PAPPA2: variants seen among roughly 807,000 people sequenced by gnomAD.
PAPPA2 encodes pappalysin 2, also known as pappalysin-2.
PAPPA2 carries 86 observed loss-of-function variants against 176.4 expected under a neutral mutation model. The observed-to-expected ratio is 0.49, with a 90% CI of 0.41 to 0.58. The LOEUF is 0.58. Among genes scored for constraint, PAPPA2 ranks in the 20% least tolerant of loss-of-function variants. PAPPA2 has a pLI of 0.00. For missense variants in PAPPA2, 2,073 were observed against 2,256.9 expected, an observed-to-expected ratio of 0.92 and a Z score of 1.65; for synonymous variants, 809 against 852.2, an observed-to-expected ratio of 0.95 and a Z score of 0.88.
chr1:176,674,595 TC>T (rs1659184374), intron 4 of PAPPA2, among the ~76,000 whole-genome samples: 1 of 152,026 alleles, frequency 6.6e-6, no homozygotes, highest in South Asian at 2.1e-4. Context: ...ATTATTTTAT[TC>T]CTTTTTATGG....
At chr1:176,520,701 A>T (rs1033857071) in intron 1 of PAPPA2, among the ~76,000 whole-genome samples, 8 of 152,210 alleles carry the variant, frequency 5.3e-5, no homozygotes, top group African/African-American at 1.9e-4. Context: ...GAGTGACTGA[A>T]AAGCAAGGGA....
intron 8 of PAPPA2, 71 bp from the exon 9 acceptor site, chr1:176,702,536 C>A: frequency 6.3e-7 from 1 of 1,582,078 alleles, no homozygotes; most frequent in Non-Finnish European, 8.6e-7. Flanking sequence ...CTTCTGTGAA[C>A]CATCAACAAA....
Position 176,556,126 on chromosome 1 carries a change from C to A in PAPPA2, c.-197C>A, listed in dbSNP as rs563007785. 3.2e-6 allele frequency: 2 copies of A among 633,348 alleles called. No individual in the cohort carries two copies. The highest frequency in any genetic ancestry group is 1.8e-5 in the African/African-American group (1 of 54,666). The allele number at this position is 633,348 out of a possible 1,614,324, so 39.2% of individuals were successfully genotyped here. ...CACATGCCCTGGGGAGGCATAGAAGCCACACTGGCAGAGCGGCCAGCACAG... is the reference window on the plus strand; with the variant it reads ...CACATGCCCTGGGGAGGCATAGAAGACACACTGGCAGAGCGGCCAGCACAG... On this transcript the variant is annotated 5_prime_UTR_variant, in exon 2 of 23. Coordinates refer to ENST00000367662, the MANE Select transcript of PAPPA2 (RefSeq NM_020318.3).
At chr1:176,485,461 C>T (rs2102485718) in intron 1 of PAPPA2, among the ~76,000 whole-genome samples, 1 of 152,332 alleles carries the variant, frequency 6.6e-6, no homozygotes, top group East Asian at 1.9e-4. Context: ...CACTCTCCCA[C>T]TCTTTCAATT....
chr1:176,503,193 C>A (rs1648066386), intron 1 of PAPPA2, among the ~76,000 whole-genome samples: 1 of 152,042 alleles, frequency 6.6e-6, no homozygotes, highest in African/African-American at 2.4e-5. Flanking sequence ...GGCTTGTGAA[C>A]CTCATCCATC....
At chr1:176,668,424 T>C (rs1658789762) in intron 3 of PAPPA2, among the ~76,000 whole-genome samples, 2 of 152,214 alleles carry the variant, frequency 1.3e-5, no homozygotes, top group African/African-American at 4.8e-5. Context: ...CCTTGAATAT[T>C]AAGCTAATTT....
At chr1:176,555,106 A>G (rs1052831177) in intron 1 of PAPPA2, among the ~76,000 whole-genome samples, 1 of 151,966 alleles carries the variant, frequency 6.6e-6, no homozygotes, top group Non-Finnish European at 1.5e-5. Context: ...GCTGAAAGAG[A>G]AAGCCCGAGA....
chr1:176,737,720 T>C (rs1215830679), intron 12 of PAPPA2, among the ~76,000 whole-genome samples: 1 of 152,040 alleles, frequency 6.6e-6, no homozygotes, highest in African/African-American at 2.4e-5. Context: ...ACAGGCAAAG[T>C]GATTTGATAT....
chr1:176,653,569 G>T (rs1038858600), intron 3 of PAPPA2, among the ~76,000 whole-genome samples: 14 of 151,424 alleles, frequency 9.2e-5, no homozygotes, highest in Admixed American at 3.3e-4. Flanking sequence ...TCTTTATTGG[G>T]TTCTTCCTTT....
At chr1:176,644,229 G>C (rs868748849) in intron 3 of PAPPA2, among the ~76,000 whole-genome samples, 1 of 151,792 alleles carries the variant, frequency 6.6e-6, no homozygotes, top group Non-Finnish European at 1.5e-5. Flanking sequence ...GGTGCCCTCT[G>C]TTCTTAGAGA....
intron 1 of PAPPA2, among the ~76,000 whole-genome samples, chr1:176,492,365 C>A (rs1416380345): frequency 6.6e-6 from 1 of 152,126 alleles, no homozygotes; most frequent in Non-Finnish European, 1.5e-5. Context: ...GAATATATAA[C>A]AATAGTTGTT....
rs1663938265 is a variant in PAPPA2, at chr1:176,765,795, T to C, written c.4281T>C (p.Phe1427=). Residue 1427 remains phenylalanine (F), a synonymous_variant, in exon 15 of 23, where the codon TTT becomes TTC. Coordinates refer to ENST00000367662, the MANE Select transcript of PAPPA2 (RefSeq NM_020318.3). The part of the protein sequence containing the change: ...MKCAITCQRG[F]ALQASSGQYI... The stretch of plus-strand genomic sequence containing the variant: ...GTGCTATCACTTGTCAAAGGGGATT[T>C]GCCCTTCAGGCCAGCAGTGGGCAGT... 1.9e-6 allele frequency: 3 copies of C among 1,614,166 alleles called. No individual in the cohort carries two copies. The highest frequency in any genetic ancestry group is 2.5e-6 in the Non-Finnish European group (3 of 1,180,024).
At chr1:176,745,695 A>T (rs896100883) in intron 14 of PAPPA2, among the ~76,000 whole-genome samples, 8 of 152,360 alleles carry the variant, frequency 5.3e-5, no homozygotes, top group African/African-American at 1.9e-4. Flanking sequence ...AGAGTATCCA[A>T]GAAAGGAACA....
chr1:176,682,292 A>G (rs1362110708), intron 4 of PAPPA2, among the ~76,000 whole-genome samples: 1 of 152,128 alleles, frequency 6.6e-6, no homozygotes, highest in Admixed American at 6.5e-5. Context: ...ATCTTTCAAG[A>G]AGTTTGGCTG....
At chr1:176,591,380 C>T (rs1653654959) in intron 2 of PAPPA2, among the ~76,000 whole-genome samples, 1 of 152,170 alleles carries the variant, frequency 6.6e-6, no homozygotes, top group Non-Finnish European at 1.5e-5. Context: ...GTTAACAAGA[C>T]AGGTCAGTGT....
intron 1 of PAPPA2, among the ~76,000 whole-genome samples, chr1:176,496,038 A>T (rs1647599262): frequency 6.6e-6 from 1 of 152,198 alleles, no homozygotes; most frequent in Non-Finnish European, 1.5e-5. Context: ...TTTTATTTAT[A>T]AATTAAATAT....
intron 10 of PAPPA2, among the ~76,000 whole-genome samples, chr1:176,707,456 A>T (rs1420513809): frequency 6.6e-6 from 1 of 152,148 alleles, no homozygotes; most frequent in African/African-American, 2.4e-5. Flanking sequence ...AGTCTGACAG[A>T]GTCCCTGATC....
chr1:176,578,381 C>T (rs1007357340), intron 2 of PAPPA2, among the ~76,000 whole-genome samples: 8 of 152,180 alleles, frequency 5.3e-5, no homozygotes, highest in Admixed American at 1.3e-4. Context: ...TTGGATCATT[C>T]TTCTAGGTCA....
Position 176,699,183 on chromosome 1 carries a change from G to A in PAPPA2, c.2830G>A (p.Val944Ile). Residue 944 changes from valine (V) to isoleucine (I), a missense_variant, in exon 8 of 23, where the codon GTC (valine) becomes ATC (isoleucine). Physicochemically the swap from Val to Ile is conservative, Grantham distance 29. Transcript: ENST00000367662. The part of the protein sequence containing the change: ...EVHLYHMNMT[V>I]PCPTEGCSLE... ...CCACCTGTACCACATGAACATGACG[G>A]TCCCCTGCCCCACAGAAGGCTGTAG... The A allele has an allele frequency of 6.2e-7, 1 of 1,614,050 alleles. No homozygotes were observed. The highest frequency in any genetic ancestry group is 8.5e-7 in the Non-Finnish European group (1 of 1,180,004).
Sources: allele counts gnomAD v4.1 joint callset (sites outside exome capture counted in the v4.1 genomes callset), GRCh38; gene constraint gnomAD v4.1.1; transcripts MANE v1.5; gene names NCBI Gene and HGNC (gene_info 2026-07-23, HGNC 2026-07-21).